Variants in FMO4 observed in about 807,000 individuals in gnomAD.
FMO4 encodes flavin containing dimethylaniline monoxygenase 4.
FMO4 carries 38 observed loss-of-function variants against 43.3 expected under a neutral mutation model. The ratio of observed to expected loss-of-function variants is 0.88; its 90% CI spans 0.68 to 1.15. The LOEUF (loss-of-function observed/expected upper bound fraction) is 1.15, where lower values mean the gene tolerates loss of function less well. Among genes scored for constraint, FMO4 ranks in the 50% most tolerant of loss-of-function variants. The pLI, the probability that FMO4 is intolerant of heterozygous loss-of-function variation, is 0.00. For missense variants in FMO4, 631 were observed against 663.3 expected (o/e 0.95, Z 0.54); for synonymous variants, 224 against 232.2 (o/e 0.96, Z 0.32).
chr1:171,330,778 TC>T (rs1199839149), intron 5 of FMO4, among the ~76,000 whole-genome samples: 1 of 152,140 alleles, frequency 6.6e-6, no homozygotes, highest in Non-Finnish European at 1.5e-5. Flanking sequence ...GTCTTTTATG[TC>T]TGCCAAGGAG....
intron 4 of FMO4, 65 bp from the exon 5 acceptor site, chr1:171,324,073 A>G (rs1662551277): frequency 7.0e-7 from 1 of 1,430,488 alleles, no homozygotes; most frequent in Non-Finnish European, 9.4e-7. Context: ...CATGGTTACC[A>G]CACCAGTCAT....
intron 1 of FMO4, among the ~76,000 whole-genome samples, chr1:171,315,284 T>C (rs1662152487): frequency 6.6e-6 from 1 of 152,106 alleles, no homozygotes; most frequent in African/African-American, 2.4e-5. Context: ...AGAGTGAGAC[T>C]CCAACTCAAA....
intron 9 of FMO4, among the ~76,000 whole-genome samples, chr1:171,339,940 G>A (rs909394516): frequency 6.6e-6 from 1 of 152,158 alleles, no homozygotes; most frequent in Non-Finnish European, 1.5e-5. Context: ...CATTGAAATC[G>A]CTGATGAAGA....
In FMO4 at chr1:171,334,676, T is replaced by A. The variant is rs1376280513; in HGVS notation, c.1093T>A (p.Leu365Ile). Residue 365 changes from leucine (L) to isoleucine (I), a missense_variant, in exon 8 of 10, where the codon TTA becomes ATA. By Grantham distance (5) the Leu-to-Ile change is conservative. Coordinates refer to ENST00000367749, the MANE Select transcript of FMO4 (RefSeq NM_002022.3). ...VFPLNLERAT[L>I]AIIGLIGLKG... ...TCCCTTAAACCTAGAGAGAGCGACA[T>A]TAGCCATCATCGGCCTTATCGGCCT... 6.2e-7 allele frequency: 1 copy of A among 1,613,850 alleles called. No individual in the cohort carries two copies. Among genetic ancestry groups the A allele is most frequent in the Admixed American group, 1.7e-5 (1 of 59,972 alleles).
Position 171,334,601 on chromosome 1 carries a change from C to T in FMO4, c.1018C>T (p.Pro340Ser). 6.2e-7 allele frequency: 1 copy of T among 1,613,398 alleles called. No homozygotes were observed. The highest frequency in any genetic ancestry group is 8.5e-7 in the Non-Finnish European group (1 of 1,179,456). Residue 340 changes from proline to serine, a missense_variant, in exon 8 of 10, where the codon CCT (proline) becomes TCT (serine). By Grantham distance (74) the Pro-to-Ser change is moderately conservative (BLOSUM62 -1). Coordinates refer to ENST00000367749, the MANE Select transcript of FMO4 (RefSeq NM_002022.3). ...ATTTTCTTTTCCATTTTTTGAAGAACCTCTTAAAAGCCTCTGTACAAAGAA... is the reference window on the plus strand; with the variant it reads ...ATTTTCTTTTCCATTTTTTGAAGAATCTCTTAAAAGCCTCTGTACAAAGAA... ...YTFSFPFFEE[P>S]LKSLCTKKIF...
chr1:171,327,604 G>A (rs1662720666), intron 5 of FMO4, among the ~76,000 whole-genome samples: 1 of 152,128 alleles, frequency 6.6e-6, no homozygotes, highest in South Asian at 2.1e-4. Context: ...CTCTATGGGG[G>A]TGCTGTGAGG....
Position 171,319,961 on chromosome 1 carries a change from C to A in FMO4, c.132+4C>A. On this transcript the variant is annotated splice_donor_region_variant and intron_variant, in intron 3 of 9. Transcript: ENST00000367749. Reference sequence around the variant, plus strand: ...TGGGGGATTATGGAAGTTTACTGTACGTGGTTCATCTCTATCAGTCATGAT... The same window carrying A: ...TGGGGGATTATGGAAGTTTACTGTAAGTGGTTCATCTCTATCAGTCATGAT... 6 of 1,613,602 alleles carry A rather than the reference C, an allele frequency of 3.7e-6. No homozygotes were observed. Among genetic ancestry groups the A allele is most frequent in the Non-Finnish European group, 5.1e-6 (6 of 1,179,642 alleles).
chr1:171,332,617 G>T, intron 6 of FMO4, 92 bp from the exon 7 acceptor site: 1 of 1,033,920 alleles, frequency 9.7e-7, no homozygotes, highest in South Asian at 1.5e-5. Flanking sequence ...TAAAAGACCA[G>T]ACTGGAATAA....
At chr1:171,320,296 T>G (rs1486067075) in intron 3 of FMO4, among the ~76,000 whole-genome samples, 1 of 152,168 alleles carries the variant, frequency 6.6e-6, no homozygotes, top group Non-Finnish European at 1.5e-5. Context: ...TGAATAGCAT[T>G]GGTGAACATA....
At chr1:171,320,083 C>T in intron 3 of FMO4, 126 bp downstream of exon 3, 1 of 984,728 alleles carries the variant, frequency 1.0e-6, no homozygotes, top group Non-Finnish European at 1.6e-6. Flanking sequence ...CAAACAAGTG[C>T]ATAATGCAGT....
chr1:171,332,048 G>C (rs2101897964), intron 6 of FMO4, among the ~76,000 whole-genome samples: 1 of 152,260 alleles, frequency 6.6e-6, no homozygotes, highest in Middle Eastern at 3.4e-3. Flanking sequence ...CATTTTTCAG[G>C]AGTGCTTCCT....
At chr1:171,316,072 T>C (rs988619434) in intron 1 of FMO4, 114 bp from the exon 2 acceptor site, 1 of 152,192 alleles carries the variant, frequency 6.6e-6, no homozygotes, top group African/African-American at 2.4e-5. Flanking sequence ...CACTTAGAGG[T>C]ACCCAGGGCA....
chr1:171,315,399 C>G (rs1223499513), intron 1 of FMO4, among the ~76,000 whole-genome samples: 1 of 152,144 alleles, frequency 6.6e-6, no homozygotes, highest in Non-Finnish European at 1.5e-5. Flanking sequence ...TCCTTCAAGC[C>G]TGCAGTATTC....
intron 5 of FMO4, among the ~76,000 whole-genome samples, chr1:171,325,719 C>T (rs1450313183): frequency 6.7e-6 from 1 of 150,274 alleles, no homozygotes; most frequent in Non-Finnish European, 1.5e-5. Flanking sequence ...GCTGTAAGTG[C>T]CAAACTATTG....
chr1:171,329,373 C>A (rs1394377498), intron 5 of FMO4, among the ~76,000 whole-genome samples: 1 of 152,178 alleles, frequency 6.6e-6, no homozygotes. Flanking sequence ...CTCTAACCCC[C>A]AGTTCTCCCC....
Position 171,341,642 on chromosome 1 carries a change from T to A in FMO4, c.1480T>A (p.Leu494Met). ...NAILTQWDRT[L>M]KPLKTRIVPD... Reference sequence around the variant, plus strand: ...CATCCTGACCCAGTGGGACAGAACATTGAAACCTTTAAAAACTCGAATTGT... The same window carrying A: ...CATCCTGACCCAGTGGGACAGAACAATGAAACCTTTAAAAACTCGAATTGT... The change falls in exon 10 of 10, where the codon TTG becomes ATG. Residue 494 changes from leucine (L) to methionine (M), a missense_variant. By Grantham distance (15) the Leu-to-Met change is conservative. Coordinates refer to ENST00000367749, the MANE Select transcript of FMO4 (RefSeq NM_002022.3). The A allele has an allele frequency of 6.2e-7, 1 of 1,613,938 alleles. No homozygotes were observed. Among genetic ancestry groups the A allele is most frequent in the South Asian group, 1.1e-5 (1 of 91,076 alleles).
At chr1:171,338,344 C>G (rs555822147) in intron 9 of FMO4, among the ~76,000 whole-genome samples, 3 of 152,186 alleles carry the variant, frequency 2.0e-5, no homozygotes, top group Admixed American at 2.0e-4. Context: ...CTAGGCTTGT[C>G]ACAGCATCAA....
At chr1:171,339,302 G>C (rs749360724) in intron 9 of FMO4, among the ~76,000 whole-genome samples, 2 of 152,016 alleles carry the variant, frequency 1.3e-5, no homozygotes, top group African/African-American at 2.4e-5. Flanking sequence ...AGTTTCTCTC[G>C]AGTTTTTAAG....
At chr1:171,331,459 T>C (rs1487098794) in intron 5 of FMO4, among the ~76,000 whole-genome samples, 181 bp from the exon 6 acceptor site, 3 of 152,192 alleles carry the variant, frequency 2.0e-5, no homozygotes, top group Non-Finnish European at 4.4e-5. Context: ...AATCCACATC[T>C]GGGCTCACAG....
Sources: gnomAD v4.1 joint callset for allele counts (sites outside exome capture counted in the v4.1 genomes callset) on GRCh38, gnomAD v4.1.1 for gene constraint, MANE v1.5 for transcripts, NCBI Gene and HGNC (gene_info 2026-07-23, HGNC 2026-07-21) for gene names.